ADARB2: variants seen among roughly 807,000 people sequenced by gnomAD.
ADARB2 encodes inactive double-stranded RNA-specific editase B2.
In ADARB2, 25 loss-of-function variants were observed where a neutral mutation model predicts 62.2. That is an observed-to-expected ratio of 0.40 (90% CI 0.29 to 0.56). The LOEUF is 0.56. Among genes scored for constraint, ADARB2 ranks in the 20% least tolerant of loss-of-function variants. ADARB2 has a pLI of 0.43. For synonymous variants in ADARB2, 572 were observed against 500.8 expected, an observed-to-expected ratio of 1.14 and a Z score of -1.90; for missense variants, 1,071 against 1,077.4, an observed-to-expected ratio of 0.99 and a Z score of 0.08.
At chr10:1,384,746 C>T (rs1009292742) in intron 1 of ADARB2, among the ~76,000 whole-genome samples, 18 of 152,230 alleles carry the variant, frequency 1.2e-4, no homozygotes, top group East Asian at 3.9e-4. Context: ...CCAAAGTTTG[C>T]ACTGCTGAGA....
At chr10:1,430,092 A>G (rs1034957177) in intron 1 of ADARB2, among the ~76,000 whole-genome samples, 1 of 152,192 alleles carries the variant, frequency 6.6e-6, no homozygotes, top group Non-Finnish European at 1.5e-5. Context: ...CGACAATTGG[A>G]TTTAGAAAGT....
intron 1 of ADARB2, among the ~76,000 whole-genome samples, chr10:1,585,600 G>A (rs559570342): frequency 1.4e-3 from 220 of 152,284 alleles, no homozygotes; most frequent in Non-Finnish European, 2.5e-3. Flanking sequence ...CTCTCACATG[G>A]GAATTGTGTA....
intron 1 of ADARB2, among the ~76,000 whole-genome samples, chr10:1,606,482 C>T (rs994296447): frequency 2.0e-5 from 3 of 152,110 alleles, no homozygotes; most frequent in African/African-American, 7.2e-5. Context: ...AGACAATATG[C>T]CTTTCAGACA....
rs115895260 is a variant in ADARB2 at position 1,632,512 on chromosome 10, G to T, written c.100+104539C>A. On this transcript the variant is annotated intron_variant, in intron 1 of 9. Transcript: ENST00000381312. The stretch of plus-strand genomic sequence containing the variant: ...CTCACAGCACTAGCCTTGTGACCAT[G>T]CACCTGCCCATGTGGCTGGGCCTAT... Among the ~76,000 whole-genome samples the T allele has an allele frequency of 7.6e-3, 1,161 of 152,392 alleles. 21 individuals carry two copies. Among genetic ancestry groups the T allele is most frequent in the African/African-American group, 0.026 (1,090 of 41,600 alleles).
At chr10:1,614,717 C>T (rs952010009) in intron 1 of ADARB2, among the ~76,000 whole-genome samples, 1 of 152,172 alleles carries the variant, frequency 6.6e-6, no homozygotes, top group African/African-American at 2.4e-5. Context: ...TGAGACCATC[C>T]TGGCTAACAC....
Position 1,363,670 on chromosome 10 carries a change from C to T in ADARB2, c.435G>A (p.Val145=), listed in dbSNP as rs1242867924. ...GGGCATGCACCGGGCCCGTCTGCGA[C>T]ACTGTCCGGTACTGCAGGCCCGGCC... is the stretch of plus-strand genomic sequence containing the variant. ...ELRPGLQYRT[V]SQTGPVHAPV... is the part of the protein sequence containing the mutation. The change falls in exon 3 of 10, where the codon GTG becomes GTA. Residue 145 remains valine, a synonymous_variant. Coordinates refer to ENST00000381312, the MANE Select transcript of ADARB2 (RefSeq NM_018702.4). 3.1e-6 allele frequency: 5 copies of T among 1,609,404 alleles called. No homozygotes were observed. The highest frequency in any genetic ancestry group is 4.2e-6 in the Non-Finnish European group (5 of 1,178,146).
At chr10:1,415,630 C>T (rs1282314711) in intron 1 of ADARB2, among the ~76,000 whole-genome samples, 1 of 152,130 alleles carries the variant, frequency 6.6e-6, no homozygotes, top group Non-Finnish European at 1.5e-5. Context: ...ATTTCTTAGT[C>T]ATTTCATCAA....
intron 3 of ADARB2, among the ~76,000 whole-genome samples, chr10:1,339,660 G>A (rs1398456682): frequency 1.3e-5 from 2 of 152,148 alleles, no homozygotes; most frequent in Non-Finnish European, 2.9e-5. Flanking sequence ...GAGCTTTTCT[G>A]GCCATGAAAA....
chr10:1,518,640 T>C (rs1260072837), intron 1 of ADARB2, among the ~76,000 whole-genome samples: 10 of 152,014 alleles, frequency 6.6e-5, no homozygotes, highest in African/African-American at 2.4e-4. Flanking sequence ...CCGTGTAACA[T>C]GTGCATGTGG....
At chr10:1,373,485 G>A (rs1392135001) in intron 2 of ADARB2, among the ~76,000 whole-genome samples, 1 of 152,180 alleles carries the variant, frequency 6.6e-6, no homozygotes, top group South Asian at 2.1e-4. Flanking sequence ...GTGTGTGCCC[G>A]AGCATGTGCC....
chr10:1,383,925 C>G (rs567562258), intron 1 of ADARB2, among the ~76,000 whole-genome samples: 1 of 152,250 alleles, frequency 6.6e-6, no homozygotes, highest in African/African-American at 2.4e-5. Context: ...TTCTTCCTTG[C>G]CTTTGCCTTT....
chr10:1,480,939 CT>C (rs34911677), intron 1 of ADARB2, among the ~76,000 whole-genome samples: 1 of 152,092 alleles, frequency 6.6e-6, no homozygotes, highest in Non-Finnish European at 1.5e-5. Context: ...ATCCCAAGGA[CT>C]TTTTTTCAGA....
chr10:1,499,460 C>T (rs1447107726), intron 1 of ADARB2, among the ~76,000 whole-genome samples: 2 of 151,962 alleles, frequency 1.3e-5, no homozygotes, highest in Admixed American at 6.6e-5. Flanking sequence ...TCACTCATTA[C>T]TCACTCATCA....
intron 1 of ADARB2, among the ~76,000 whole-genome samples, chr10:1,530,741 G>T (rs1832222541): frequency 2.6e-5 from 4 of 152,224 alleles, no homozygotes; most frequent in Admixed American, 2.6e-4. Context: ...CGGCATCTCT[G>T]GGTTCTCTCT....
rs770572467 is a variant in ADARB2 at position 1,179,063 on chromosome 10, G to A, written c.*4130C>T. 1 of 152,152 alleles carries A rather than the reference G, an allele frequency of 6.6e-6. No individual in the cohort carries two copies. Among genetic ancestry groups the A allele is most frequent in the Non-Finnish European group, 1.5e-5 (1 of 68,026 alleles). The allele number at this position is 152,152 out of a possible 1,614,324, so 9.4% of individuals were successfully genotyped here. A position where few individuals can be genotyped will look rare whatever the true frequency, so the allele number is the denominator to read the frequency against. ...TGTCTACTTTATGTACGTCTCAAAT[G>A]TCTTCAGTTGTTTTAAACAATACAC... On this transcript the variant is annotated 3_prime_UTR_variant, in exon 10 of 10. Transcript: ENST00000381312.
intron 1 of ADARB2, among the ~76,000 whole-genome samples, chr10:1,654,858 C>A (rs1461565281): frequency 6.6e-6 from 1 of 152,248 alleles, no homozygotes; most frequent in Non-Finnish European, 1.5e-5. Flanking sequence ...AGCCACACGC[C>A]AGGCCCAAGG....
At chr10:1,495,635 A>G (rs1831678567) in intron 1 of ADARB2, among the ~76,000 whole-genome samples, 1 of 66,282 alleles carries the variant, frequency 1.5e-5, no homozygotes, top group South Asian at 4.1e-4. Context: ...TCCATTAGTT[A>G]GAATATGATG....
chr10:1,590,331 G>T (rs1020549955), intron 1 of ADARB2, among the ~76,000 whole-genome samples: 2 of 152,216 alleles, frequency 1.3e-5, no homozygotes, highest in African/African-American at 2.4e-5. Flanking sequence ...GGTGAATCAG[G>T]CTCAAGATAA....
At chr10:1,200,309 T>G (rs1396949419) in intron 7 of ADARB2, 162 bp from the exon 8 acceptor site, 5 of 844,896 alleles carry the variant, frequency 5.9e-6, no homozygotes, top group Non-Finnish European at 9.9e-6. Flanking sequence ...CAGCCATCAC[T>G]GGGGCTCTGG....
Sources: gnomAD v4.1 joint callset for allele counts (sites outside exome capture counted in the v4.1 genomes callset) on GRCh38, gnomAD v4.1.1 for gene constraint, MANE v1.5 for transcripts, NCBI Gene and HGNC (gene_info 2026-07-23, HGNC 2026-07-21) for gene names.